The following LGSN variants were observed in gnomAD, a reference collection of about 807,000 sequenced individuals.
The protein encoded by LGSN is lengsin, lens protein with glutamine synthetase domain, also known as lengsin.
LGSN carries 21 observed loss-of-function variants against 19.5 expected under a neutral mutation model. The ratio of observed to expected loss-of-function variants is 1.07; its 90% CI spans 0.76 to 1.55. LGSN has a LOEUF of 1.55. Among genes scored for constraint, LGSN ranks in the 40% most tolerant of loss-of-function variants. The probability of loss-of-function intolerance (pLI) is 0.00; values close to 1 mark genes in which losing one functional copy is unlikely to be tolerated. For missense variants in LGSN, 673 were observed against 608.5 expected, an observed-to-expected ratio of 1.11 and a Z score of -1.12; for synonymous variants, 257 against 215.6, an observed-to-expected ratio of 1.19 and a Z score of -1.68.
chr6:63,414,913 TA>T, the LGSN span, among the ~76,000 whole-genome samples: 9 of 152,152 alleles, frequency 5.9e-5, no homozygotes, highest in East Asian at 1.2e-3. Context: ...AGACGCCCTT[TA>T]AAAAAAATTA....
chr6:63,341,996 T>C, the LGSN span, among the ~76,000 whole-genome samples: 1 of 152,182 alleles, frequency 6.6e-6, no homozygotes, highest in African/African-American at 2.4e-5. Flanking sequence ...GAAGATTTCA[T>C]TTTAGAGCTG....
At chr6:63,412,504 A>AAGAAAGAAAG in the LGSN span, among the ~76,000 whole-genome samples, 2 of 113,016 alleles carry the variant, frequency 1.8e-5, no homozygotes, top group Non-Finnish European at 3.4e-5. Context: ...GAAAGAAAGA[A>AAGAAAGAAAG]AGAAAGAAAG....
At chr6:63,486,328 G>T in the LGSN span, among the ~76,000 whole-genome samples, 1 of 152,108 alleles carries the variant, frequency 6.6e-6, no homozygotes, top group Non-Finnish European at 1.5e-5. Flanking sequence ...CATGTTTTTG[G>T]AGGTGAACAT....
chr6:63,496,764 A>G, the LGSN span, among the ~76,000 whole-genome samples: 1 of 151,868 alleles, frequency 6.6e-6, no homozygotes, highest in East Asian at 1.9e-4. Context: ...ACTCTTTACA[A>G]CAACAATCCT....
chr6:63,334,867 AG>A, the LGSN span, among the ~76,000 whole-genome samples: 2 of 152,136 alleles, frequency 1.3e-5, no homozygotes, highest in Non-Finnish European at 2.9e-5. Context: ...GGCTGGGCGC[AG>A]TGGCTCACAT....
the LGSN span, among the ~76,000 whole-genome samples, chr6:63,389,909 C>G: frequency 6.6e-6 from 1 of 151,804 alleles, no homozygotes; most frequent in East Asian, 1.9e-4. Flanking sequence ...CAAAGTTTAT[C>G]TCCTTTTTCT....
At chr6:63,351,137 T>C in the LGSN span, among the ~76,000 whole-genome samples, 1 of 152,090 alleles carries the variant, frequency 6.6e-6, no homozygotes. Flanking sequence ...GAAAGATCCC[T>C]TCCCATTTCT....
At chr6:63,309,784 A>G (rs1426337730) in intron 1 of LGSN, among the ~76,000 whole-genome samples, 1 of 152,206 alleles carries the variant, frequency 6.6e-6, no homozygotes, top group Non-Finnish European at 1.5e-5. Flanking sequence ...AATGCTGTGT[A>G]TTAGATGTCT....
chr6:63,379,901 A>G, the LGSN span, among the ~76,000 whole-genome samples: 2 of 151,800 alleles, frequency 1.3e-5, no homozygotes, highest in Non-Finnish European at 2.9e-5. Context: ...GTAATGGTGC[A>G]ATCTTGGCTC....
chr6:63,547,314 C>T, the LGSN span, among the ~76,000 whole-genome samples: 22 of 151,504 alleles, frequency 1.5e-4, no homozygotes, highest in South Asian at 1.5e-3. Flanking sequence ...CTCAGCCTCC[C>T]GAGTAGCTGG....
At chr6:63,391,048 T>G in the LGSN span, among the ~76,000 whole-genome samples, 6 of 152,102 alleles carry the variant, frequency 3.9e-5, no homozygotes, top group Admixed American at 6.6e-5. Context: ...TTCTGTTAAA[T>G]AGACAAATAG....
chr6:63,396,301 CT>C, the LGSN span: 3 of 207,652 alleles, frequency 1.4e-5, no homozygotes, highest in Non-Finnish European at 3.0e-5. Flanking sequence ...TCTAGGTCCC[CT>C]CTGTGACAGC....
At chr6:63,380,638 A>G in the LGSN span, among the ~76,000 whole-genome samples, 3 of 152,194 alleles carry the variant, frequency 2.0e-5, no homozygotes, top group African/African-American at 4.8e-5. Flanking sequence ...AGGTTAGCCA[A>G]CAGGATAAAA....
chr6:63,280,105 T>C lies in LGSN; in HGVS notation c.1446A>G (p.Arg482=), dbSNP rs1767231156. The C allele has an allele frequency of 1.9e-6, 3 of 1,613,904 alleles. No homozygotes were observed. Among genetic ancestry groups the C allele is most frequent in the African/African-American group, 1.3e-5 (1 of 74,920 alleles). The change falls in exon 4 of 4, where the codon CGA becomes CGG. Residue 482 remains arginine, a synonymous_variant. Transcript: ENST00000370657. ...LRQALGETFI[R]YFVAMKKYEL... is the part of the protein sequence containing the mutation. ...CATATTTCTTCATGGCAACAAAATATCGAATAAAGGTTTCTCCTAGAGCCT... is the reference window on the plus strand; with the variant it reads ...CATATTTCTTCATGGCAACAAAATACCGAATAAAGGTTTCTCCTAGAGCCT...
At chr6:63,413,568 T>C in the LGSN span, among the ~76,000 whole-genome samples, 10 of 152,210 alleles carry the variant, frequency 6.6e-5, no homozygotes, top group Admixed American at 2.0e-4. Context: ...GCTGTATTTC[T>C]AGCTCTGAGT....
At chr6:63,519,140 T>C in the LGSN span, among the ~76,000 whole-genome samples, 1 of 152,092 alleles carries the variant, frequency 6.6e-6, no homozygotes, top group Admixed American at 6.6e-5. Context: ...AAACCCCATC[T>C]CTACTAAAAT....
At chr6:63,551,026 T>C in the LGSN span, among the ~76,000 whole-genome samples, 1 of 152,106 alleles carries the variant, frequency 6.6e-6, no homozygotes, top group Admixed American at 6.5e-5. Flanking sequence ...TGATAGGTTT[T>C]TTTTATTTAT....
the LGSN span, among the ~76,000 whole-genome samples, chr6:63,360,553 C>T: frequency 6.6e-6 from 1 of 152,146 alleles, no homozygotes; most frequent in Non-Finnish European, 1.5e-5. Context: ...TTCTAGTTAG[C>T]CATTCATCTA....
intron 1 of LGSN, among the ~76,000 whole-genome samples, chr6:63,307,545 G>A (rs1768439915): frequency 1.3e-5 from 2 of 152,238 alleles, no homozygotes; most frequent in Admixed American, 1.3e-4. Flanking sequence ...AAAAGTTTGG[G>A]TAGAGTGGAC....
Sources: gnomAD v4.1 joint callset for allele counts (sites outside exome capture counted in the v4.1 genomes callset) on GRCh38, gnomAD v4.1.1 for gene constraint, MANE v1.5 for transcripts, NCBI Gene and HGNC (gene_info 2026-07-23, HGNC 2026-07-21) for gene names.